The following USP54 variants were observed in gnomAD, a reference collection of about 807,000 sequenced individuals.
The protein encoded by USP54 is ubiquitin specific peptidase 54, also known as ubiquitin carboxyl-terminal hydrolase 54.
USP54 carries 87 observed loss-of-function variants against 170.5 expected under a neutral mutation model. The observed-to-expected ratio is 0.51, with a 90% CI of 0.43 to 0.61. The LOEUF (loss-of-function observed/expected upper bound fraction) is 0.61. Among genes scored for constraint, USP54 ranks in the 20% least tolerant of loss-of-function variants. USP54 has a pLI of 0.00. For missense variants in USP54, 1,786 were observed against 2,047.8 expected (o/e 0.87, Z 2.47); for synonymous variants, 655 against 742.8 (o/e 0.88, Z 1.92).
intron 4 of USP54, among the ~76,000 whole-genome samples, chr10:73,548,444 A>C (rs2068382169): frequency 6.6e-6 from 1 of 152,226 alleles, no homozygotes; most frequent in Non-Finnish European, 1.5e-5. Context: ...TGTTTATTGC[A>C]GCACTATTCA....
intron 20 of USP54, among the ~76,000 whole-genome samples, chr10:73,514,260 A>C (rs1456436887): frequency 2.0e-5 from 3 of 152,020 alleles, no homozygotes; most frequent in Admixed American, 1.3e-4. Context: ...TGGCCTTATT[A>C]TTCTTAAAAT....
chr10:73,498,750 C>CT lies in USP54; in HGVS notation c.4933dup (p.Ser1645LysfsTer33). The CT allele has an allele frequency of 6.2e-7, 1 of 1,613,908 alleles. No individual in the cohort carries two copies. The highest frequency in any genetic ancestry group is 1.1e-5 in the South Asian group (1 of 91,036). On this transcript the variant is annotated frameshift_variant, in exon 24 of 24. Coordinates refer to ENST00000687698, the MANE Select transcript of USP54 (RefSeq NM_001391956.1). LOFTEE classifies it high-confidence loss of function. ...GTGTCCAGAGTGGGAGGCATAACTG[C>CT]TTTGCCTCCAGTCATCATCTGGGGG...
intron 22 of USP54, among the ~76,000 whole-genome samples, chr10:73,502,893 T>C (rs2058410795): frequency 1.3e-5 from 2 of 152,160 alleles, no homozygotes; most frequent in African/African-American, 4.8e-5. Context: ...TTAATATATG[T>C]AAAACTGAAT....
intron 1 of USP54, among the ~76,000 whole-genome samples, chr10:73,618,088 G>C (rs1215642376): frequency 1.3e-5 from 2 of 149,520 alleles, no homozygotes; most frequent in African/African-American, 5.1e-5. Flanking sequence ...GCAGGTGCCT[G>C]TAATCCCAGC....
chr10:73,516,568 G>C lies in USP54; in HGVS notation c.3858C>G (p.Ser1286=), dbSNP rs765407574. ...HGAPRPGMKS[S]PHDSHTCVTY... ...TTACACACGTATGGGAATCATGAGG[G>C]GAGGACTTCATTCCTGGCCTAGGTG... Residue 1286 remains serine, a synonymous_variant, in exon 20 of 24, where the codon TCC becomes TCG. Transcript: ENST00000687698. 21 of 1,614,166 alleles carry C rather than the reference G, an allele frequency of 1.3e-5. No individual in the cohort carries two copies. The highest frequency in any genetic ancestry group is 1.7e-5 in the Admixed American group (1 of 60,014).
Position 73,603,403 on chromosome 10 carries a change from G to A in USP54, c.-18+22164C>T, listed in dbSNP as rs186280298. Reference sequence around the variant, plus strand: ...TTTGTAAATCATTATTCTGATAAGGGGCTAATATCCACAATATATAAAGAC... The same window carrying A: ...TTTGTAAATCATTATTCTGATAAGGAGCTAATATCCACAATATATAAAGAC... On this transcript the variant is annotated intron_variant, in intron 1 of 22. Transcript: ENST00000339859. 2.2e-3 allele frequency among the ~76,000 whole-genome samples: 341 copies of A among 152,242 alleles called. 3 individuals are homozygous for A. The highest frequency in any genetic ancestry group is 0.014 in the South Asian group (68 of 4,826).
At chr10:73,517,893 T>C in intron 19 of USP54, 146 bp from the exon 20 acceptor site, 1 of 1,093,594 alleles carries the variant, frequency 9.1e-7, no homozygotes, top group Admixed American at 2.8e-5. Context: ...GTAGAGTCAG[T>C]AGTTCAGAGG....
In USP54 at chr10:73,534,609, G is replaced by T; in HGVS notation, c.1306C>A (p.Arg436=). 1 of 1,613,712 alleles carries T rather than the reference G, an allele frequency of 6.2e-7. No homozygotes were observed. The highest frequency in any genetic ancestry group is 1.1e-5 in the South Asian group (1 of 91,008). The change falls in exon 12 of 24, where the codon CGG becomes AGG. Residue 436 remains arginine, a synonymous_variant. Transcript: ENST00000687698. ...CTGTATAAGTCCCTACCTGTGTCCC[G>T]ACTGCTCTGAGACATGGAATCATTT... ...VENDSMSQSS[R]DTGHLTDSEC... is the part of the protein sequence containing the mutation.
chr10:73,592,796 G>A (rs2078377292), upstream of USP54, among the ~76,000 whole-genome samples: 2 of 152,158 alleles, frequency 1.3e-5, no homozygotes, highest in South Asian at 4.1e-4. Flanking sequence ...TCCAGGTAAG[G>A]GAAGTGATCC....
At chr10:73,581,301 G>A (rs1026923036) in intron 1 of USP54, among the ~76,000 whole-genome samples, 3 of 152,166 alleles carry the variant, frequency 2.0e-5, no homozygotes, top group African/African-American at 7.2e-5. Flanking sequence ...ATCTTATTAC[G>A]TATTTCCTTG....
chr10:73,531,744 C>T (rs989992097), intron 12 of USP54, among the ~76,000 whole-genome samples: 1 of 152,226 alleles, frequency 6.6e-6, no homozygotes, highest in African/African-American at 2.4e-5. Flanking sequence ...GATTACACTT[C>T]ATAGTTCCTT....
rs16930730 is a variant in USP54 at position 73,590,545 on chromosome 10, A to G, written c.-582+733T>C. 4.2e-3 allele frequency among the ~76,000 whole-genome samples: 644 copies of G among 152,308 alleles called. 35 individuals are homozygous for G. In the East Asian group the frequency reaches 0.11, roughly 26 times the overall value. On this transcript the variant is annotated intron_variant, in intron 1 of 23. Transcript: ENST00000687698. The stretch of plus-strand genomic sequence containing the variant: ...AAATATTCTTAGAAGCTCAAAACAC[A>G]AAACGCAAGGAAATAGCCCATTATG...
At chr10:73,558,444 C>T (rs1325532051) in intron 4 of USP54, among the ~76,000 whole-genome samples, 1 of 152,014 alleles carries the variant, frequency 6.6e-6, no homozygotes, top group African/African-American at 2.4e-5. Context: ...TGCATACAGG[C>T]ATGGGATTGT....
chr10:73,550,416 C>G (rs2068989534), intron 4 of USP54, among the ~76,000 whole-genome samples: 1 of 152,104 alleles, frequency 6.6e-6, no homozygotes, highest in Non-Finnish European at 1.5e-5. Flanking sequence ...TTCCTGATCA[C>G]CCTCTTTAAA....
At chr10:73,545,786 TTCCCA>T in intron 4 of USP54, 114 bp from the exon 5 acceptor site, 1 of 1,231,756 alleles carries the variant, frequency 8.1e-7, no homozygotes, top group South Asian at 1.5e-5. Flanking sequence ...CCAAATGTGC[TTCCCA>T]TGGGTTGACA....
At chr10:73,557,965 C>T (rs572503598) in intron 4 of USP54, among the ~76,000 whole-genome samples, 10 of 144,992 alleles carry the variant, frequency 6.9e-5, no homozygotes, top group African/African-American at 2.6e-4. Context: ...TCACTTGCAA[C>T]CTCGCCTCCA....
chr10:73,543,171 T>A, intron 5 of USP54, 40 bp from the exon 6 acceptor site: 1 of 1,383,534 alleles, frequency 7.2e-7, no homozygotes, highest in Non-Finnish European at 1.0e-6. Context: ...CAACAATATT[T>A]AATAGACAAA....
chr10:73,565,891 G>A (rs1021770822), intron 4 of USP54, among the ~76,000 whole-genome samples: 15 of 152,110 alleles, frequency 9.9e-5, no homozygotes, highest in African/African-American at 3.6e-4. Flanking sequence ...AGTCATGTTG[G>A]TAGTCATCTG....
chr10:73,593,376 CAAAAAAAAA>C (rs772703814), upstream of USP54, among the ~76,000 whole-genome samples: 4 of 60,368 alleles, frequency 6.6e-5, no homozygotes, highest in African/African-American at 2.3e-4. Context: ...GACCCTGTCT[CAAAAAAAAA>C]AAAAAAAAAG....
Sources: allele counts gnomAD v4.1 joint callset (sites outside exome capture counted in the v4.1 genomes callset), GRCh38; gene constraint gnomAD v4.1.1; transcripts MANE v1.5; gene names NCBI Gene and HGNC (gene_info 2026-07-23, HGNC 2026-07-21).